The following DLG2 variants were observed in gnomAD, a reference collection of about 807,000 sequenced individuals.
DLG2 encodes the protein discs large MAGUK scaffold protein 2.
DLG2 carries 45 observed loss-of-function variants against 132.5 expected under a neutral mutation model. The observed-to-expected ratio is 0.34, with a 90% CI of 0.27 to 0.44. DLG2 has a LOEUF of 0.44. Ranked by LOEUF, DLG2 falls within the 20% of genes least tolerant of loss-of-function variation. The pLI, the probability that DLG2 is intolerant of heterozygous loss-of-function variation, is 1.00. For synonymous variants in DLG2, 424 were observed against 419.6 expected (o/e 1.01, Z -0.13); for missense variants, 1,045 against 1,196.9 (o/e 0.87, Z 1.87).
At chr11:84,355,819 C>T (rs896138883) in intron 7 of DLG2, among the ~76,000 whole-genome samples, 3 of 152,008 alleles carry the variant, frequency 2.0e-5, no homozygotes, top group Non-Finnish European at 4.4e-5. Context: ...TTAGTGTATC[C>T]TGAAGGGACA....
At chr11:84,855,140 T>C (rs10501574) in intron 6 of DLG2, among the ~76,000 whole-genome samples, 99,459 of 151,830 alleles carry the variant, frequency 0.66, 34,755 homozygotes, top group Middle Eastern at 0.87. Flanking sequence ...GAGCTTCAAC[T>C]GGCCAATCAT....
chr11:84,965,601 T>C (rs2053207340), intron 6 of DLG2, among the ~76,000 whole-genome samples: 2 of 152,116 alleles, frequency 1.3e-5, no homozygotes, highest in South Asian at 4.1e-4. Context: ...CTTCTATTTC[T>C]TCTCAGTAAT....
At chr11:84,014,633 C>T (rs1169493354) in intron 11 of DLG2, among the ~76,000 whole-genome samples, 2 of 152,132 alleles carry the variant, frequency 1.3e-5, no homozygotes, top group Admixed American at 6.6e-5. Context: ...CCAACTATTA[C>T]TACAACTTAA....
chr11:83,478,162 T>C lies in DLG2; in HGVS notation c.2294-5385A>G, dbSNP rs189522178. Among the ~76,000 whole-genome samples the C allele has an allele frequency of 9.4e-4, 143 of 152,238 alleles. 2 individuals carry two copies. The highest frequency in any genetic ancestry group is 8.9e-3 in the South Asian group (43 of 4,822). On this transcript the variant is annotated intron_variant, in intron 22 of 27. Transcript: ENST00000376104. ...GTATCCAAGAAGAGGACCTCATGTA[T>C]AGTAGGTACCGAATGAATAAATAAA...
intron 16 of DLG2, among the ~76,000 whole-genome samples, chr11:83,847,107 T>G (rs1392810965): frequency 6.6e-6 from 1 of 152,146 alleles, no homozygotes; most frequent in Non-Finnish European, 1.5e-5. Flanking sequence ...ATAAAAGGAA[T>G]GTTTTTTGAT....
chr11:85,159,897 T>G (rs546129694), intron 4 of DLG2, among the ~76,000 whole-genome samples: 1 of 152,296 alleles, frequency 6.6e-6, no homozygotes, highest in East Asian at 1.9e-4. Context: ...AATGGCCCAT[T>G]ACATTGATGA....
intron 17 of DLG2, among the ~76,000 whole-genome samples, chr11:83,793,036 G>A (rs932836051): frequency 5.9e-5 from 9 of 151,926 alleles, no homozygotes; most frequent in Non-Finnish European, 1.3e-4. Context: ...ATAAGGTTAA[G>A]CATCTTCTTA....
intron 14 of DLG2, among the ~76,000 whole-genome samples, chr11:83,932,386 C>T (rs763500643): frequency 2.0e-5 from 3 of 151,000 alleles, no homozygotes; most frequent in Non-Finnish European, 2.9e-5. Flanking sequence ...AGGCGCCTGC[C>T]ACCACGCCCG....
intron 10 of DLG2, among the ~76,000 whole-genome samples, chr11:84,079,913 G>C (rs2096879995): frequency 6.6e-6 from 1 of 152,068 alleles, no homozygotes; most frequent in African/African-American, 2.4e-5. Flanking sequence ...CCATTCACTT[G>C]GGTAACAGTT....
chr11:85,593,717 C>A (rs1468988199), intron 3 of DLG2, among the ~76,000 whole-genome samples: 2 of 152,100 alleles, frequency 1.3e-5, no homozygotes, highest in Non-Finnish European at 2.9e-5. Flanking sequence ...ATAATTAAGA[C>A]CAAAATAGCC....
At chr11:84,032,305 A>G (rs2095720563) in intron 11 of DLG2, among the ~76,000 whole-genome samples, 1 of 152,198 alleles carries the variant, frequency 6.6e-6, no homozygotes, top group Admixed American at 6.5e-5. Context: ...AGAGTTCTTG[A>G]AGGAAATTGA....
chr11:84,459,138 T>C (rs944629043), intron 7 of DLG2, among the ~76,000 whole-genome samples: 1 of 150,634 alleles, frequency 6.6e-6, no homozygotes, highest in Non-Finnish European at 1.5e-5. Context: ...ATTGTCAATT[T>C]TATGAACACT....
intron 6 of DLG2, among the ~76,000 whole-genome samples, chr11:84,732,379 C>T (rs960805035): frequency 6.6e-6 from 1 of 151,976 alleles, no homozygotes; most frequent in Non-Finnish European, 1.5e-5. Flanking sequence ...TACATTCCCA[C>T]CAGCAATGTA....
At chr11:84,119,300 T>A (rs1432080357) in intron 9 of DLG2, among the ~76,000 whole-genome samples, 3 of 152,108 alleles carry the variant, frequency 2.0e-5, no homozygotes, top group Non-Finnish European at 2.9e-5. Context: ...TGGATGGTAG[T>A]AAATCTGCCT....
chr11:83,578,740 A>G (rs1465675834), intron 19 of DLG2, among the ~76,000 whole-genome samples: 1 of 152,236 alleles, frequency 6.6e-6, no homozygotes, highest in Non-Finnish European at 1.5e-5. Context: ...GCTTCAAAAT[A>G]CATGAAACAA....
At chr11:84,615,226 T>A (rs1427608360) in intron 6 of DLG2, among the ~76,000 whole-genome samples, 1 of 152,060 alleles carries the variant, frequency 6.6e-6, no homozygotes, top group African/African-American at 2.4e-5. Flanking sequence ...ATTGGATGAG[T>A]CTAATAGCCA....
intron 18 of DLG2, among the ~76,000 whole-genome samples, chr11:83,785,142 C>T (rs1195899273): frequency 6.6e-6 from 1 of 152,036 alleles, no homozygotes; most frequent in African/African-American, 2.4e-5. Context: ...GCAAGCTCCA[C>T]CTCCCGGGTT....
chr11:84,767,854 G>C (rs984470931), intron 6 of DLG2, among the ~76,000 whole-genome samples: 6 of 152,064 alleles, frequency 3.9e-5, no homozygotes, highest in African/African-American at 1.4e-4. Flanking sequence ...CCCTAGTTGA[G>C]ATATAGTAGA....
intron 2 of DLG2, among the ~76,000 whole-genome samples, chr11:85,617,918 G>C (rs2081449086): frequency 6.6e-6 from 1 of 152,112 alleles, no homozygotes. Flanking sequence ...CATAATCTTT[G>C]AAAGTTTAAA....
Sources: allele counts gnomAD v4.1 joint callset (sites outside exome capture counted in the v4.1 genomes callset), GRCh38; gene constraint gnomAD v4.1.1; transcripts MANE v1.5; gene names NCBI Gene and HGNC (gene_info 2026-07-23, HGNC 2026-07-21).